The following SCP2 variants were observed in gnomAD, a reference collection of about 807,000 sequenced individuals.
SCP2 encodes the protein sterol carrier protein 2, also known as SCP-2/3-oxoacyl-CoA thiolase.
A neutral mutation model predicts 71.4 loss-of-function variants in SCP2; 48 were observed. The ratio of observed to expected loss-of-function variants is 0.67; its 90% CI spans 0.53 to 0.86. SCP2 has a LOEUF of 0.86. SCP2 is among the 40% of genes least tolerant of loss of function. The probability of loss-of-function intolerance (pLI) is 0.00; values close to 1 mark genes in which losing one functional copy is unlikely to be tolerated. For missense variants in SCP2, 560 were observed against 655.6 expected, an observed-to-expected ratio of 0.85 and a Z score of 1.59; for synonymous variants, 220 against 218.1, an observed-to-expected ratio of 1.01 and a Z score of -0.08.
Position 52,974,340 on chromosome 1 carries a change from A to G in SCP2, c.524-429A>G, listed in dbSNP as rs148782537. Among the ~76,000 whole-genome samples, 724 of 152,272 alleles carry G rather than the reference A, an allele frequency of 4.8e-3. 3 individuals carry two copies. The Middle Eastern group carries it at 0.065, about 14-fold the overall frequency. Reference sequence around the variant, plus strand: ...ACTCTTCTAAAAACTTTTCTGTTTTATCATAAGGAAAGGGAGGAAGATGAA... The same window carrying G: ...ACTCTTCTAAAAACTTTTCTGTTTTGTCATAAGGAAAGGGAGGAAGATGAA... On this transcript the variant is annotated intron_variant, in intron 6 of 15. Transcript: ENST00000371514.
At chr1:53,049,345 T>C (rs1007301508) in intron 15 of SCP2, 1 of 152,220 alleles carries the variant, frequency 6.6e-6, no homozygotes, top group Non-Finnish European at 1.5e-5. Context: ...AAGATAAAAA[T>C]AGCAGACCTT....
intron 1 of SCP2, among the ~76,000 whole-genome samples, chr1:52,934,428 C>CA (rs1028589083): frequency 6.6e-6 from 1 of 150,724 alleles, no homozygotes; most frequent in Non-Finnish European, 1.5e-5. Flanking sequence ...GATATTTTTC[C>CA]AAAAAAACCA....
chr1:52,939,359 A>C (rs1654007090), intron 1 of SCP2, among the ~76,000 whole-genome samples: 1 of 152,070 alleles, frequency 6.6e-6, no homozygotes, highest in Non-Finnish European at 1.5e-5. Flanking sequence ...CAGCCTGGGC[A>C]ACATAGTGAG....
At chr1:52,951,072 T>C (rs1237904699) in intron 4 of SCP2, among the ~76,000 whole-genome samples, 186 bp downstream of exon 4, 1 of 151,940 alleles carries the variant, frequency 6.6e-6, no homozygotes, top group African/African-American at 2.4e-5. Flanking sequence ...TTTGAGCTTG[T>C]GAATTTGAGA....
chr1:53,014,949 G>A lies in SCP2; in HGVS notation c.1141G>A (p.Val381Ile). ...GAGAGGGGAAGCCGGAAAGAGGCAA[G>A]TTCCTGGTGCAAAGGTGGCTCTGCA... Reference protein sequence around the residue: ...QLRGEAGKRQVPGAKVALQHN... With the variant: ...QLRGEAGKRQIPGAKVALQHN... The change falls in exon 12 of 16, where the codon GTT becomes ATT. Residue 381 changes from valine to isoleucine, a missense_variant. By Grantham distance (29) the Val-to-Ile change is conservative. This residue lies in a region of SCP2 where 513 missense variants were observed against 573.1 expected (regional missense o/e 0.90). Transcript: ENST00000371514. 1 of 1,614,108 alleles carries A rather than the reference G, an allele frequency of 6.2e-7. No homozygotes were observed. The highest frequency in any genetic ancestry group is 8.5e-7 in the Non-Finnish European group (1 of 1,180,006).
chr1:53,034,925 G>A (rs1295641997), intron 13 of SCP2, among the ~76,000 whole-genome samples: 2 of 152,114 alleles, frequency 1.3e-5, no homozygotes, highest in Non-Finnish European at 2.9e-5. Flanking sequence ...CTAACACGGT[G>A]AAACCCCGTC....
intron 13 of SCP2, among the ~76,000 whole-genome samples, chr1:53,028,607 T>G (rs1662302124): frequency 6.6e-6 from 1 of 152,062 alleles, no homozygotes; most frequent in Non-Finnish European, 1.5e-5. Context: ...TAGTATAAAT[T>G]TTATACTATA....
intron 4 of SCP2, among the ~76,000 whole-genome samples, chr1:52,951,294 CA>C (rs1169692249): frequency 2.7e-5 from 4 of 149,904 alleles, no homozygotes; most frequent in Non-Finnish European, 5.9e-5. Context: ...AAAAGCCCCC[CA>C]AAAAACAAAA....
chr1:52,937,331 T>C (rs1169820069), intron 1 of SCP2, among the ~76,000 whole-genome samples: 1 of 152,250 alleles, frequency 6.6e-6, no homozygotes, highest in African/African-American at 2.4e-5. Context: ...GTTTTTATTA[T>C]AAAGTTTGTG....
At chr1:52,994,014 C>T in intron 11 of SCP2, 1 of 1,212,940 alleles carries the variant, frequency 8.2e-7, no homozygotes, top group East Asian at 4.9e-5. Flanking sequence ...AATTTGTTTT[C>T]TAGCGTGACA....
Position 53,047,544 on chromosome 1 carries a change from A to G in SCP2, c.1469-314A>G, listed in dbSNP as rs189160514. On this transcript the variant is annotated intron_variant, in intron 14 of 15. Transcript: ENST00000371514. ...ACTGGCTTATATAATAATATCATGA[A>G]TAATGTAACATGAACATTTTTTCAT... Among the ~76,000 whole-genome samples, 111 of 152,344 alleles carry G rather than the reference A, an allele frequency of 7.3e-4. No homozygotes were observed. In the East Asian group the frequency reaches 0.012, roughly 16 times the overall value.
chr1:53,044,180 G>C (rs7542983), intron 14 of SCP2, among the ~76,000 whole-genome samples: 14,974 of 151,734 alleles, frequency 0.099, 1,463 homozygotes, highest in African/African-American at 0.22. Flanking sequence ...GCCTCAGCCT[G>C]CCGAGTAGCT....
At chr1:53,016,990 A>T (rs17107579) in intron 12 of SCP2, among the ~76,000 whole-genome samples, 1 of 151,984 alleles carries the variant, frequency 6.6e-6, no homozygotes, top group Non-Finnish European at 1.5e-5. Flanking sequence ...AGGAGAGGTC[A>T]CATTTAAGGG....
intron 2 of SCP2, 134 bp from the exon 3 acceptor site, chr1:52,947,875 T>C (rs1223414264): frequency 1.7e-5 from 12 of 691,314 alleles, no homozygotes; most frequent in African/African-American, 3.6e-5. Flanking sequence ...CATGATTTGA[T>C]GAAGGATTTG....
At chr1:52,992,797 A>G (rs1224806516) in intron 11 of SCP2, among the ~76,000 whole-genome samples, 2 of 152,034 alleles carry the variant, frequency 1.3e-5, no homozygotes, top group African/African-American at 4.8e-5. Context: ...CATTAAAAAA[A>G]CCCTATATTT....
At chr1:53,010,432 G>T (rs973004416) in intron 11 of SCP2, among the ~76,000 whole-genome samples, 1 of 152,288 alleles carries the variant, frequency 6.6e-6, no homozygotes, top group East Asian at 1.9e-4. Context: ...TATACACCAC[G>T]GAATACTATG....
chr1:52,928,268 A>C (rs1293669010), intron 1 of SCP2, among the ~76,000 whole-genome samples: 1 of 152,208 alleles, frequency 6.6e-6, no homozygotes, highest in African/African-American at 2.4e-5. Flanking sequence ...GCGCCCTCTT[A>C]GCATGGCAGC....
At chr1:53,016,504 G>T (rs1661349894) in intron 12 of SCP2, among the ~76,000 whole-genome samples, 1 of 152,080 alleles carries the variant, frequency 6.6e-6, no homozygotes, top group Non-Finnish European at 1.5e-5. Flanking sequence ...AATATATGGG[G>T]AAGGCAACAT....
At position 53,014,916 on chromosome 1, in the gene SCP2, TGGCA is replaced by T. The variant is rs1557609393; in HGVS notation, c.1110_1113del (p.Trp370CysfsTer2). ...TCTTGCTCAGTGTGCAGAACTCTGC[TGGCA>T]GCTGAGAGGGGAAGCCGGAAAGAGG... On this transcript the variant is annotated frameshift_variant, in exon 12 of 16. Transcript: ENST00000371514. LOFTEE classifies it high-confidence loss of function. The T allele has an allele frequency of 6.2e-7, 1 of 1,613,526 alleles. No individual in the cohort carries two copies. Among genetic ancestry groups the T allele is most frequent in the Admixed American group, 1.7e-5 (1 of 60,020 alleles).
Sources: gnomAD v4.1 joint callset for allele counts (sites outside exome capture counted in the v4.1 genomes callset) on GRCh38, gnomAD v4.1.1 for gene constraint, gnomAD v4.1.1 regional missense constraint, MANE v1.5 for transcripts, NCBI Gene and HGNC (gene_info 2026-07-23, HGNC 2026-07-21) for gene names.